Variants in ZNF333 observed in about 807,000 individuals in gnomAD.
ZNF333 encodes zinc finger protein 333.
ZNF333 carries 61 observed loss-of-function variants against 76.1 expected under a neutral mutation model. The ratio of observed to expected loss-of-function variants is 0.80; its 90% confidence interval spans 0.65 to 0.99. ZNF333 has a LOEUF of 0.99. ZNF333 is among the 50% of genes least tolerant of loss of function. The probability of loss-of-function intolerance (pLI) is 0.00; values close to 1 mark genes in which losing one functional copy is unlikely to be tolerated. For missense variants in ZNF333, 717 were observed against 822.4 expected (o/e 0.87, Z 1.57); for synonymous variants, 284 against 305.0 (o/e 0.93, Z 0.72).
intron 11 of ZNF333, among the ~76,000 whole-genome samples, chr19:14,727,740 A>G (rs2524359): frequency 0.33 from 49,948 of 151,680 alleles, 8,599 homozygotes; most frequent in Middle Eastern, 0.48. Flanking sequence ...GTGATTTACA[A>G]ACTTAAGAGT....
chr19:14,722,413 CA>C (rs761843605), downstream of ZNF333, among the ~76,000 whole-genome samples: 18 of 152,266 alleles, frequency 1.2e-4, no homozygotes, highest in Non-Finnish European at 2.5e-4. Flanking sequence ...ATTTGTATGT[CA>C]TCTGTGGAAA....
chr19:14,719,036 C>G lies in ZNF333; in HGVS notation c.1709C>G (p.Ala570Gly), dbSNP rs538344104. 6.2e-7 allele frequency: 1 copy of G among 1,614,168 alleles called. No individual in the cohort carries two copies. Among genetic ancestry groups the G allele is most frequent in the Admixed American group, 1.7e-5 (1 of 60,028 alleles). Residue 570 changes from alanine (A) to glycine (G), a missense_variant, in exon 12 of 12, where the codon GCC becomes GGC. By Grantham distance (60) the Ala-to-Gly change is moderately conservative. Coordinates refer to ENST00000292530, the MANE Select transcript of ZNF333 (RefSeq NM_032433.4). ...KPYVCQECGR[A>G]FSEPSSLRKH... Reference sequence around the variant, plus strand: ...TATGTGTGCCAGGAATGTGGGCGAGCCTTCAGTGAGCCCTCATCCCTCAGG... The same window carrying G: ...TATGTGTGCCAGGAATGTGGGCGAGGCTTCAGTGAGCCCTCATCCCTCAGG...
chr19:14,719,120 C>T lies in ZNF333; in HGVS notation c.1793C>T (p.Ala598Val), dbSNP rs754402083. 6 of 1,614,042 alleles carry T rather than the reference C, an allele frequency of 3.7e-6. No individual in the cohort carries two copies. In the Admixed American group the frequency reaches 6.7e-5, roughly 18 times the overall value. The change falls in exon 12 of 12, where the codon GCC becomes GTC. Residue 598 changes from alanine to valine, a missense_variant. Transcript: ENST00000292530. The stretch of plus-strand genomic sequence containing the variant: ...TATGCATGCCAGGAATGCGGGCGAG[C>T]CTTTGGTCAGTCTTCACATCTTATT... ...KPYACQECGR[A>V]FGQSSHLIVH...
At chr19:14,727,794 T>TC (rs1221692209) in intron 11 of ZNF333, among the ~76,000 whole-genome samples, 1 of 152,190 alleles carries the variant, frequency 6.6e-6, no homozygotes, top group Non-Finnish European at 1.5e-5. Flanking sequence ...TAATGTTAAG[T>TC]CTCACCTTAT....
chr19:14,708,039 G>A (rs895951303), intron 7 of ZNF333: 1 of 389,412 alleles, frequency 2.6e-6, no homozygotes, highest in Non-Finnish European at 4.6e-6. Flanking sequence ...ACAGCATCTC[G>A]CTCTGTCACC....
intron 7 of ZNF333, among the ~76,000 whole-genome samples, chr19:14,710,590 C>T (rs2042245985): frequency 6.6e-6 from 1 of 152,102 alleles, no homozygotes; most frequent in African/African-American, 2.4e-5. Context: ...CCAGCCTGGC[C>T]AACATGGCGA....
chr19:14,725,245 C>G (rs1280272335), downstream of ZNF333, among the ~76,000 whole-genome samples: 3 of 152,160 alleles, frequency 2.0e-5, no homozygotes, highest in Non-Finnish European at 2.9e-5. Flanking sequence ...GGGGATGACA[C>G]TAAGCCATTC....
intron 4 of ZNF333, among the ~76,000 whole-genome samples, chr19:14,698,935 T>TATATAA (rs1180611568): frequency 7.2e-6 from 1 of 139,332 alleles, no homozygotes; most frequent in African/African-American, 2.8e-5. Context: ...TATATATATA[T>TATATAA]ACACACATAT....
intron 3 of ZNF333, 79 bp downstream of exon 3, chr19:14,695,212 G>A: frequency 6.5e-7 from 1 of 1,540,910 alleles, no homozygotes; most frequent in South Asian, 1.2e-5. Flanking sequence ...GAAGAAGACA[G>A]ACGTGGCTTA....
chr19:14,702,356 C>T (rs1568532914), intron 5 of ZNF333, among the ~76,000 whole-genome samples: 1 of 152,122 alleles, frequency 6.6e-6, no homozygotes, highest in African/African-American at 2.4e-5. Context: ...CTCTGCAAAA[C>T]ATACAAAAAT....
exon 12 of ZNF333, chr19:14,731,568 T>G: frequency 5.0e-6 from 1 of 198,394 alleles, no homozygotes. Context: ...TTCAAACGTG[T>G]ACCCTAGCTC....
intron 7 of ZNF333, chr19:14,707,357 C>CAA (rs2042141336): frequency 2.0e-5 from 3 of 151,896 alleles, no homozygotes; most frequent in Middle Eastern, 3.4e-3. Flanking sequence ...ATGTGAACTA[C>CAA]AGTCGCTTTA....
At chr19:14,696,406 A>G (rs1000951503) in intron 4 of ZNF333, among the ~76,000 whole-genome samples, 4 of 152,198 alleles carry the variant, frequency 2.6e-5, no homozygotes, top group African/African-American at 4.8e-5. Flanking sequence ...GGATTGTCCT[A>G]TATAGACATT....
rs143014586 is a variant in ZNF333 at position 14,718,777 on chromosome 19, G to T, written c.1450G>T (p.Gly484Trp). 3.0e-4 allele frequency: 485 copies of T among 1,614,098 alleles called. 12 individuals carry two copies. The African/African-American group carries it at 3.2e-3, about 11-fold the overall frequency. Residue 484 changes from glycine (G) to tryptophan (W), a missense_variant, in exon 12 of 12, where the codon GGG (glycine) becomes TGG (tryptophan). Transcript: ENST00000292530. ...GAAGCCCTTTGAATGCAGCCAGTGT[G>T]GGAAAGCCTTCAGGGAACACTCTTC... Reference protein sequence around the residue: ...GEKPFECSQCGKAFREHSSLK... With the variant: ...GEKPFECSQCWKAFREHSSLK...
chr19:14,716,969 A>C, intron 9 of ZNF333, 25 bp from the exon 10 acceptor site: 1 of 1,597,982 alleles, frequency 6.3e-7, no homozygotes, highest in East Asian at 2.2e-5. Flanking sequence ...TCCTCGCACA[A>C]CATGTGTTTT....
Position 14,718,702 on chromosome 19 carries a change from T to A in ZNF333, c.1375T>A (p.Phe459Ile), listed in dbSNP as rs773734896. 2.7e-5 allele frequency: 43 copies of A among 1,614,058 alleles called. No homozygotes were observed. The highest frequency in any genetic ancestry group is 3.6e-5 in the Non-Finnish European group (43 of 1,180,020). ...CGAGTGTAAAGATTGTGGGAAAGCC[T>A]TCAATCAGCCATCATCCCTCAGGAG... The part of the protein sequence containing the change: ...PYECKDCGKA[F>I]NQPSSLRSHV... The change falls in exon 12 of 12, where the codon TTC (phenylalanine) becomes ATC (isoleucine). Residue 459 changes from phenylalanine to isoleucine, a missense_variant. By Grantham distance (21) the Phe-to-Ile change is conservative. Transcript: ENST00000292530.
At chr19:14,694,937 C>G (rs1177329843) in intron 2 of ZNF333, 73 bp from the exon 3 acceptor site, 1 of 1,593,002 alleles carries the variant, frequency 6.3e-7, no homozygotes, top group Non-Finnish European at 8.6e-7. Flanking sequence ...TTTCTCTTCT[C>G]CAGTGATAAC....
At chr19:14,696,826 C>T (rs760027506) in intron 4 of ZNF333, among the ~76,000 whole-genome samples, 6 of 145,830 alleles carry the variant, frequency 4.1e-5, no homozygotes, top group South Asian at 2.2e-4. Context: ...GCAACCTCTG[C>T]GTCCTGGGTT....
intron 1 of ZNF333, 77 bp from the exon 2 acceptor site, chr19:14,693,374 A>G (rs1972915874): frequency 8.7e-7 from 1 of 1,154,516 alleles, no homozygotes; most frequent in Non-Finnish European, 1.2e-6. Flanking sequence ...GATTGTGACC[A>G]CTCTGCTGGA....
Sources: allele counts gnomAD v4.1 joint callset (sites outside exome capture counted in the v4.1 genomes callset), GRCh38; gene constraint gnomAD v4.1.1; transcripts MANE v1.5; gene names NCBI Gene and HGNC (gene_info 2026-07-23, HGNC 2026-07-21).